The following GBE1 variants were observed in gnomAD, a reference collection of about 807,000 sequenced individuals.
GBE1 encodes the protein 1,4-alpha-glucan-branching enzyme.
A neutral mutation model predicts 88.8 loss-of-function variants in GBE1; 70 were observed. That is an observed-to-expected ratio of 0.79 (90% CI 0.65 to 0.96). The LOEUF (loss-of-function observed/expected upper bound fraction) is 0.96. Ranked by LOEUF, GBE1 falls within the 40% of genes least tolerant of loss-of-function variation. GBE1 has a pLI of 0.00. For missense variants in GBE1, 872 were observed against 871.0 expected (o/e 1.00, Z -0.01); for synonymous variants, 284 against 300.1 (o/e 0.95, Z 0.56).
intron 3 of GBE1, among the ~76,000 whole-genome samples, chr3:81,657,147 A>C (rs1053695726): frequency 1.3e-5 from 2 of 150,420 alleles, no homozygotes; most frequent in Admixed American, 6.6e-5. Flanking sequence ...AAAAAAAAAA[A>C]ACAAAACAAA....
intron 13 of GBE1, 29 bp from the exon 14 acceptor site, chr3:81,535,354 T>A: frequency 6.3e-6 from 10 of 1,577,496 alleles, no homozygotes; most frequent in Non-Finnish European, 8.6e-6. Context: ...ATGTTACATT[T>A]AAATAATACC....
At chr3:81,546,267 C>A (rs1480545769) in intron 12 of GBE1, among the ~76,000 whole-genome samples, 4 of 151,860 alleles carry the variant, frequency 2.6e-5, no homozygotes, top group African/African-American at 9.7e-5. Flanking sequence ...CACACACTCT[C>A]ACTTTAAATA....
intron 7 of GBE1, among the ~76,000 whole-genome samples, chr3:81,613,248 C>A (rs1217120737): frequency 1.3e-5 from 2 of 151,208 alleles, no homozygotes; most frequent in Non-Finnish European, 2.9e-5. Context: ...ATACCTTGAG[C>A]AGAATAGAAC....
intron 7 of GBE1, among the ~76,000 whole-genome samples, chr3:81,620,941 C>T (rs1304699799): frequency 6.6e-6 from 1 of 152,152 alleles, no homozygotes; most frequent in Non-Finnish European, 1.5e-5. Flanking sequence ...TGTAAAGTCA[C>T]AGAGACTCAG....
chr3:81,737,234 A>C (rs144529932), intron 1 of GBE1, among the ~76,000 whole-genome samples: 69 of 144,162 alleles, frequency 4.8e-4, no homozygotes, highest in African/African-American at 1.4e-3. Context: ...TTTTGAAGTA[A>C]ATGAATATTT....
At chr3:81,712,804 AAAT>A (rs1434539392) in intron 1 of GBE1, among the ~76,000 whole-genome samples, 1 of 151,510 alleles carries the variant, frequency 6.6e-6, no homozygotes, top group Non-Finnish European at 1.5e-5. Context: ...TAATAAAAAT[AAAT>A]AAATAAATAA....
At chr3:81,700,965 C>A (rs1386024059) in intron 2 of GBE1, among the ~76,000 whole-genome samples, 1 of 152,096 alleles carries the variant, frequency 6.6e-6, no homozygotes, top group Non-Finnish European at 1.5e-5. Flanking sequence ...TAGTTTACTG[C>A]CTTTCTCTCT....
intron 2 of GBE1, among the ~76,000 whole-genome samples, chr3:81,696,247 A>G (rs1170804407): frequency 6.6e-6 from 1 of 152,222 alleles, no homozygotes; most frequent in Non-Finnish European, 1.5e-5. Context: ...ATTCACCTGC[A>G]TGAAACAACT....
intron 2 of GBE1, among the ~76,000 whole-genome samples, chr3:81,692,182 C>G (rs1705530608): frequency 6.6e-6 from 1 of 152,150 alleles, no homozygotes; most frequent in Non-Finnish European, 1.5e-5. Flanking sequence ...CTTCTATATT[C>G]ACCATATTTT....
intron 1 of GBE1, among the ~76,000 whole-genome samples, chr3:81,732,292 T>C (rs142239953): frequency 6.6e-6 from 1 of 152,300 alleles, no homozygotes; most frequent in Non-Finnish European, 1.5e-5. Flanking sequence ...GCATATTTTA[T>C]ATTAGGCAAA....
At chr3:81,761,346 A>C (rs759128485) in intron 1 of GBE1, 29 bp downstream of exon 1, 1 of 1,593,256 alleles carries the variant, frequency 6.3e-7, no homozygotes, top group Admixed American at 1.7e-5. Context: ...CTGCCTGTCT[A>C]AGTGGGGGTG....
chr3:81,723,277 A>ATT (rs1706062227), intron 1 of GBE1, among the ~76,000 whole-genome samples: 2 of 108,330 alleles, frequency 1.8e-5, no homozygotes, highest in Non-Finnish European at 3.9e-5. Context: ...TTTTTTTTGT[A>ATT]TTTTTAGTAG....
At chr3:81,622,989 C>T (rs1328696958) in intron 7 of GBE1, among the ~76,000 whole-genome samples, 1 of 152,288 alleles carries the variant, frequency 6.6e-6, no homozygotes, top group South Asian at 2.1e-4. Context: ...TCTACATCTG[C>T]TCAACATCTC....
At position 81,750,582 on chromosome 3, in the gene GBE1, TATATAC is replaced by T. The variant is rs1185996855; in HGVS notation, c.143+10787_143+10792del. 9.3e-3 allele frequency among the ~76,000 whole-genome samples: 544 copies of T among 58,660 alleles called. 25 individuals are homozygous for T. Among genetic ancestry groups the T allele is most frequent in the Non-Finnish European group, 0.013 (426 of 32,710 alleles). 38.5% of individuals were successfully genotyped at this position (58,660 alleles called of 152,430 possible). ...ATATATGTATATATATATACGTATA[TATATAC>T]GTATATATATATGTGTATATATATA... On this transcript the variant is annotated intron_variant, in intron 1 of 15. Coordinates refer to ENST00000429644, the MANE Select transcript of GBE1 (RefSeq NM_000158.4).
intron 7 of GBE1, chr3:81,612,326 A>G (rs1704193803): frequency 1.2e-6 from 1 of 858,092 alleles, no homozygotes; most frequent in South Asian, 1.4e-5. Context: ...CGTCAAATCC[A>G]TTCCAGATTT....
intron 14 of GBE1, among the ~76,000 whole-genome samples, chr3:81,530,013 T>A (rs1378281713): frequency 6.6e-6 from 1 of 151,922 alleles, no homozygotes; most frequent in African/African-American, 2.4e-5. Flanking sequence ...GCATGCTTCA[T>A]TCTTTTTTGT....
intron 14 of GBE1, among the ~76,000 whole-genome samples, chr3:81,518,592 G>C (rs1702829970): frequency 6.6e-6 from 1 of 151,168 alleles, no homozygotes; most frequent in Admixed American, 6.6e-5. Flanking sequence ...TGAGGGTACT[G>C]GTCTGTCATT....
intron 3 of GBE1, among the ~76,000 whole-genome samples, chr3:81,659,826 A>G (rs552906307): frequency 6.6e-6 from 1 of 152,342 alleles, no homozygotes; most frequent in Non-Finnish European, 1.5e-5. Context: ...ATATTCAATA[A>G]ACATTAAGAC....
intron 15 of GBE1, among the ~76,000 whole-genome samples, chr3:81,496,188 G>A (rs1017285432): frequency 6.6e-6 from 1 of 152,246 alleles, no homozygotes. Flanking sequence ...CAGTAAAGCA[G>A]ACTGGCAGAG....
Sources: gnomAD v4.1 joint callset for allele counts (sites outside exome capture counted in the v4.1 genomes callset) on GRCh38, gnomAD v4.1.1 for gene constraint, MANE v1.5 for transcripts, NCBI Gene and HGNC (gene_info 2026-07-23, HGNC 2026-07-21) for gene names.